The following PAPLN variants were observed in gnomAD, a reference collection of about 807,000 sequenced individuals.
PAPLN encodes papilin, proteoglycan like sulfated glycoprotein.
PAPLN carries 146 observed loss-of-function variants against 159.0 expected under a neutral mutation model. The ratio of observed to expected loss-of-function variants is 0.92; its 90% CI spans 0.80 to 1.05. PAPLN has a LOEUF of 1.05. Ranked by LOEUF, PAPLN falls within the 50% of genes least tolerant of loss-of-function variation. The pLI, the probability that PAPLN is intolerant of heterozygous loss-of-function variation, is 0.00. For missense variants in PAPLN, 1,720 were observed against 1,743.9 expected (o/e 0.99, Z 0.24); for synonymous variants, 734 against 702.9 (o/e 1.04, Z -0.70).
intron 14 of PAPLN, among the ~76,000 whole-genome samples, chr14:73,257,746 C>G (rs1028144662): frequency 8.4e-6 from 1 of 118,918 alleles, no homozygotes; most frequent in Non-Finnish European, 1.7e-5. Flanking sequence ...TATCTAGTCT[C>G]TTTCTTCTTT....
intron 24 of PAPLN, 25 bp from the exon 25 acceptor site, chr14:73,266,698 G>T (rs1457933217): frequency 6.2e-7 from 1 of 1,614,118 alleles, no homozygotes; most frequent in South Asian, 1.1e-5. Context: ...CATAGTGGCT[G>T]ACAATGACTT....
rs146740904 is a variant in PAPLN at position 73,261,207 on chromosome 14, C to T, written c.2158C>T (p.Arg720Trp). 119 of 1,614,040 alleles carry T rather than the reference C, an allele frequency of 7.4e-5. 1 individual carries two copies. In the Middle Eastern group the frequency reaches 1.3e-3, roughly 18 times the overall value. ...QAQQNEPSEC[R>W]GSQFGCCYDN... ...CCAGCAGAATGAGCCCAGTGAGTGC[C>T]GGGGCTCCCAGTTTGGCTGTTGCTA... The change falls in exon 18 of 27, where the codon CGG (arginine) becomes TGG (tryptophan). Residue 720 changes from arginine (R) to tryptophan (W), a missense_variant. Physicochemically the swap from Arg to Trp is moderately radical, Grantham distance 101. Transcript: ENST00000644200.
chr14:73,251,381 C>T (rs1374165681), intron 7 of PAPLN, 105 bp from the exon 8 acceptor site: 11 of 1,215,178 alleles, frequency 9.1e-6, no homozygotes, highest in East Asian at 2.5e-5. Context: ...CTCTTGTGTA[C>T]CCTCCCTGCC....
At position 73,262,446 on chromosome 14, in the gene PAPLN, G is replaced by A. The variant is rs200118136; in HGVS notation, c.2342G>A (p.Arg781His). ...GTTGCCTCTGTGGGCCAATGTAACC[G>A]CTTCTGGTATGGCGGCTGCCATGGC... Reference protein sequence around the residue: ...YFVASVGQCNRFWYGGCHGNA... With the variant: ...YFVASVGQCNHFWYGGCHGNA... Residue 781 changes from arginine to histidine, a missense_variant, in exon 19 of 27, where the codon CGC (arginine) becomes CAC (histidine). Transcript: ENST00000644200. 4.2e-4 allele frequency: 670 copies of A among 1,613,662 alleles called. 1 individual carries two copies. The highest frequency in any genetic ancestry group is 2.0e-3 in the Middle Eastern group (12 of 6,058).
chr14:73,236,248 G>A (rs1883029296), upstream of PAPLN, among the ~76,000 whole-genome samples: 1 of 152,276 alleles, frequency 6.6e-6, no homozygotes, highest in South Asian at 2.1e-4. Flanking sequence ...CATGCGTTGA[G>A]CCCCTGCCTT....
At chr14:73,257,103 C>T (rs1306671303) in intron 14 of PAPLN, among the ~76,000 whole-genome samples, 1 of 152,116 alleles carries the variant, frequency 6.6e-6, no homozygotes, top group East Asian at 1.9e-4. Flanking sequence ...TCCTGTGTAG[C>T]TGAGATCACA....
At chr14:73,269,659 T>C (rs1029547951) in intron 26 of PAPLN, among the ~76,000 whole-genome samples, 1 of 152,246 alleles carries the variant, frequency 6.6e-6, no homozygotes, top group African/African-American at 2.4e-5. Context: ...CTGTGCTTCC[T>C]TGTGTCCTTG....
Position 73,265,047 on chromosome 14 carries a change from G to A in PAPLN, c.3125+321G>A, listed in dbSNP as rs753206341. 3.4e-4 allele frequency among the ~76,000 whole-genome samples: 52 copies of A among 152,276 alleles called. No individual in the cohort carries two copies. The highest frequency in any genetic ancestry group is 6.8e-3 in the Middle Eastern group (2 of 294). On this transcript the variant is annotated intron_variant, in intron 22 of 26. Transcript: ENST00000644200. This position sits in a 1 kb window ranked among gnomAD's most constrained non-coding sequence, Gnocchi z 4.1. Reference sequence around the variant, plus strand: ...GAATGGTTCAGTTTACAGAGGGGGTGTGGAGGACCGGAGGGGGTGCCCAAC... The same window carrying A: ...GAATGGTTCAGTTTACAGAGGGGGTATGGAGGACCGGAGGGGGTGCCCAAC...
intron 6 of PAPLN, 80 bp downstream of exon 6, chr14:73,250,194 G>A: frequency 6.9e-7 from 1 of 1,442,270 alleles, no homozygotes; most frequent in Admixed American, 2.6e-5. Flanking sequence ...ATCACCCATA[G>A]GCCCAGGTAG....
chr14:73,269,635 G>T (rs565989711), intron 26 of PAPLN, among the ~76,000 whole-genome samples: 1 of 152,316 alleles, frequency 6.6e-6, no homozygotes, highest in South Asian at 2.1e-4. Context: ...ACAGGGCTTT[G>T]CTCGTCCCCC....
At chr14:73,256,701 G>A (rs1840639264) in intron 14 of PAPLN, among the ~76,000 whole-genome samples, 1 of 151,918 alleles carries the variant, frequency 6.6e-6, no homozygotes, top group South Asian at 2.1e-4. Context: ...GGACCAACAT[G>A]GCAAAACCCC....
At chr14:73,247,984 C>CTGTGTGTGTG (rs60942606) in intron 5 of PAPLN, among the ~76,000 whole-genome samples, 3 of 19,364 alleles carry the variant, frequency 1.5e-4, no homozygotes, top group African/African-American at 2.4e-4. Flanking sequence ...CTCATATCCT[C>CTGTGTGTGTG]TGTGTGTGTG....
At position 73,245,798 on chromosome 14, in the gene PAPLN, G is replaced by A; in HGVS notation, c.231+102G>A. The A allele has an allele frequency of 7.0e-7, 1 of 1,430,024 alleles. No homozygotes were observed. The highest frequency in any genetic ancestry group is 9.4e-7 in the Non-Finnish European group (1 of 1,063,422). 88.6% of individuals were successfully genotyped at this position (1,430,024 alleles called of 1,614,324 possible). On this transcript the variant is annotated intron_variant, in intron 4 of 26. Coordinates refer to ENST00000644200, the MANE Select transcript of PAPLN (RefSeq NM_001365906.3). This position sits in a 1 kb window ranked among gnomAD's most constrained non-coding sequence, Gnocchi z 4.2. ...CTCCTGGCCGCGGGCTGCTGGGTTG[G>A]CCCAGCCTGGGGTCCTCCCGCCAAT...
intron 19 of PAPLN, 158 bp from the exon 20 acceptor site, chr14:73,263,487 T>C: frequency 1.1e-6 from 1 of 887,516 alleles, no homozygotes; most frequent in Non-Finnish European, 1.8e-6. Context: ...CCTGAATCCA[T>C]GGGCTTCTGG....
chr14:73,245,548 C>G lies in PAPLN; in HGVS notation c.171-88C>G. 2.1e-6 allele frequency: 3 copies of G among 1,425,098 alleles called. No individual in the cohort carries two copies. In the South Asian group the frequency reaches 3.7e-5, roughly 18 times the overall value. The allele number at this position is 1,425,098 out of a possible 1,614,324, so 88.3% of individuals were successfully genotyped here. A position where few individuals can be genotyped will look rare whatever the true frequency, so the allele number is the denominator to read the frequency against. On this transcript the variant is annotated intron_variant, in intron 3 of 26. Coordinates refer to ENST00000644200, the MANE Select transcript of PAPLN (RefSeq NM_001365906.3). The surrounding 1 kb of genome is among the most constrained non-coding windows in gnomAD (Gnocchi z 4.2). ...CCTTGCTGCTCCCACTGGAGAGTCC[C>G]GCAGAAGTTGGGGCCTGCAGAGAGC... is the stretch of plus-strand genomic sequence containing the variant.
In PAPLN at chr14:73,265,239, G is replaced by T. The variant is rs1446063319; in HGVS notation, c.3126-131G>T. The T allele has an allele frequency of 2.1e-6, 3 of 1,418,532 alleles. No homozygotes were observed. In the African/African-American group the frequency reaches 4.3e-5, roughly 20 times the overall value. 87.9% of individuals were successfully genotyped at this position (1,418,532 alleles called of 1,614,324 possible). A position where few individuals can be genotyped will look rare whatever the true frequency, so the allele number is the denominator to read the frequency against. ...TTGACCATTTCCTAACCAGAACAAG[G>T]CAGGGGATTTTAGGAAGCTGAATCT... On this transcript the variant is annotated intron_variant, in intron 22 of 26. Coordinates refer to ENST00000644200, the MANE Select transcript of PAPLN (RefSeq NM_001365906.3). The surrounding 1 kb of genome is among the most constrained non-coding windows in gnomAD (Gnocchi z 4.1).
At chr14:73,250,756 C>T in intron 6 of PAPLN, 151 bp from the exon 7 acceptor site, 1 of 961,710 alleles carries the variant, frequency 1.0e-6, no homozygotes, top group Non-Finnish European at 1.4e-6. Flanking sequence ...GATTGTCAGC[C>T]ACAGGCCAGT....
intron 1 of PAPLN, among the ~76,000 whole-genome samples, chr14:73,238,406 C>CT (rs1434028088): frequency 6.6e-6 from 1 of 152,238 alleles, no homozygotes; most frequent in Non-Finnish European, 1.5e-5. Context: ...CCGGACTGGC[C>CT]TTGGAGTTGA....
At chr14:73,258,935 CTT>C (rs1371916123) in intron 14 of PAPLN, 42 bp from the exon 15 acceptor site, 1 of 1,551,208 alleles carries the variant, frequency 6.4e-7, no homozygotes, top group African/African-American at 1.4e-5. Context: ...TCCATCCTCT[CTT>C]CCTCCCTCTC....
Sources: gnomAD v4.1 joint callset for allele counts (sites outside exome capture counted in the v4.1 genomes callset) on GRCh38, gnomAD v4.1.1 for gene constraint, Gnocchi (gnomAD v3.1) non-coding constraint, MANE v1.5 for transcripts, NCBI Gene and HGNC (gene_info 2026-07-23, HGNC 2026-07-21) for gene names.